Variants in TMEM161B observed in about 807,000 individuals in gnomAD.
TMEM161B encodes transmembrane protein 161B.
Under a neutral mutation model 61.8 loss-of-function variants are expected in TMEM161B, and 34 were observed. That is an observed-to-expected ratio of 0.55 (90% CI 0.42 to 0.73). The LOEUF (loss-of-function observed/expected upper bound fraction) is 0.73. Ranked by LOEUF, TMEM161B falls within the 30% of genes least tolerant of loss-of-function variation. The probability of loss-of-function intolerance (pLI) is 0.00; values close to 1 mark genes in which losing one functional copy is unlikely to be tolerated. For synonymous variants in TMEM161B, 167 were observed against 192.8 expected (o/e 0.87, Z 1.11); for missense variants, 456 against 558.5 (o/e 0.82, Z 1.85).
At position 88,196,430 on chromosome 5, in the gene TMEM161B, ACTAT is replaced by A. The variant is rs1243823308; in HGVS notation, c.1241_1244del (p.Asn414IlefsTer18). ...CAGAGTAAACAGAATTGGACAGTAG[ACTAT>A]TATCCACTGGTAAGGTAGAGATAGA... On this transcript the variant is annotated frameshift_variant, in exon 12 of 12. Transcript: ENST00000296595. LOFTEE classifies it high-confidence loss of function. The A allele has an allele frequency of 6.2e-7, 1 of 1,613,104 alleles. No homozygotes were observed. The highest frequency in any genetic ancestry group is 2.2e-5 in the East Asian group (1 of 44,840).
At chr5:88,241,077 G>T (rs553174925) in intron 1 of TMEM161B, among the ~76,000 whole-genome samples, 161 bp from the exon 2 acceptor site, 2 of 151,570 alleles carry the variant, frequency 1.3e-5, no homozygotes, top group African/African-American at 4.8e-5. Flanking sequence ...CTCCACAACT[G>T]CAGATCAAAA....
chr5:88,206,405 A>C (rs1351749277), intron 7 of TMEM161B, 34 bp downstream of exon 7: 2 of 1,521,422 alleles, frequency 1.3e-6, no homozygotes, highest in Middle Eastern at 2.1e-4. Context: ...GAAAAGGTTA[A>C]ATTTAAATAA....
chr5:88,226,561 G>C (rs113065302), intron 3 of TMEM161B, among the ~76,000 whole-genome samples: 8 of 152,196 alleles, frequency 5.3e-5, no homozygotes, highest in African/African-American at 1.7e-4. Flanking sequence ...GAGTAGCTGG[G>C]ACTACAGGTA....
chr5:88,227,900 T>C (rs1225878795), intron 3 of TMEM161B, among the ~76,000 whole-genome samples: 1 of 152,228 alleles, frequency 6.6e-6, no homozygotes, highest in Non-Finnish European at 1.5e-5. Context: ...TTGTTTACTC[T>C]GTCCAAGTCA....
In TMEM161B at chr5:88,195,415, A is replaced by G. The variant is rs1749465004; in HGVS notation, c.*796T>C. On this transcript the variant is annotated 3_prime_UTR_variant, in exon 12 of 12. Coordinates refer to ENST00000296595, the MANE Select transcript of TMEM161B (RefSeq NM_153354.5). ...ATACAGGTAGTCAGCAGGTTTACAA[A>G]GTAATTTCTTTAAAGTCTGATCAGT... The G allele has an allele frequency of 1.1e-6, 1 of 922,656 alleles. No individual in the cohort carries two copies. The highest frequency in any genetic ancestry group is 5.0e-5 in the South Asian group (1 of 19,930). 57.2% of individuals were successfully genotyped at this position (922,656 alleles called of 1,614,324 possible).
At chr5:88,225,691 A>C (rs927024079) in intron 4 of TMEM161B, 78 bp downstream of exon 4, 16 of 881,216 alleles carry the variant, frequency 1.8e-5, no homozygotes, top group Non-Finnish European at 2.9e-5. Flanking sequence ...AATGGACTTA[A>C]TGATTAAAAT....
downstream of TMEM161B, among the ~76,000 whole-genome samples, chr5:88,189,097 G>A (rs1748549094): frequency 6.6e-6 from 1 of 152,162 alleles, no homozygotes; most frequent in South Asian, 2.1e-4. Context: ...TTTTCCAACA[G>A]GGATTAAGTA....
Position 88,240,772 on chromosome 5 carries a change from G to A in TMEM161B, c.107+41C>T, listed in dbSNP as rs941052261. 3 of 1,405,458 alleles carry A rather than the reference G, an allele frequency of 2.1e-6. No homozygotes were observed. In the African/African-American group the frequency reaches 4.3e-5, roughly 20 times the overall value. 87.1% of individuals were successfully genotyped at this position (1,405,458 alleles called of 1,614,324 possible). A position where few individuals can be genotyped will look rare whatever the true frequency, so the allele number is the denominator to read the frequency against. ...AATTTAATCAGTTTGGTAAACTAGA[G>A]ATTGAAAGTGTCAGTTGAAATCAGC... On this transcript the variant is annotated intron_variant, in intron 2 of 11. Coordinates refer to ENST00000296595, the MANE Select transcript of TMEM161B (RefSeq NM_153354.5).
chr5:88,213,468 A>G (rs58832180), intron 5 of TMEM161B, among the ~76,000 whole-genome samples: 6 of 152,170 alleles, frequency 3.9e-5, no homozygotes, highest in Non-Finnish European at 7.4e-5. Context: ...TTCCACAAAA[A>G]AAGCTTTCAG....
intron 8 of TMEM161B, 147 bp downstream of exon 8, chr5:88,205,667 G>C: frequency 1.2e-6 from 1 of 848,814 alleles, no homozygotes; most frequent in South Asian, 2.1e-5. Context: ...AAAGAAACTT[G>C]CTTATAGTTG....
rs1580320527 is a variant in TMEM161B, at chr5:88,197,723, A to G, written c.1132T>C (p.Tyr378His). 6.2e-7 allele frequency: 1 copy of G among 1,613,098 alleles called. No homozygotes were observed. Among genetic ancestry groups the G allele is most frequent in the East Asian group, 2.2e-5 (1 of 44,818 alleles). The change falls in exon 11 of 12, where the codon TAT becomes CAT. Residue 378 changes from tyrosine (Y) to histidine (H), a missense_variant. Tyr to His is a moderately conservative substitution (Grantham distance 83). Around this residue, in one of 3 missense-constraint regions of TMEM161B, gnomAD observed 367 missense variants for 427.3 expected, o/e 0.86. Coordinates refer to ENST00000296595, the MANE Select transcript of TMEM161B (RefSeq NM_153354.5). The part of the protein sequence containing the change: ...FYYLCVIALQ[Y>H]VAPLVMLLHT... Reference sequence around the variant, plus strand: ...AGCAGCATTACCAGAGGCGCCACATACTGCAGTGCAATGACACAAAGATAA... The same window carrying G: ...AGCAGCATTACCAGAGGCGCCACATGCTGCAGTGCAATGACACAAAGATAA...
chr5:88,254,657 C>T (rs1312814768), intron 1 of TMEM161B, among the ~76,000 whole-genome samples: 4 of 151,864 alleles, frequency 2.6e-5, no homozygotes, highest in South Asian at 2.1e-4. Context: ...GGCAACATAG[C>T]GAGACACCCT....
intron 5 of TMEM161B, among the ~76,000 whole-genome samples, chr5:88,211,625 G>A (rs1377025063): frequency 6.7e-6 from 1 of 148,402 alleles, no homozygotes; most frequent in Non-Finnish European, 1.5e-5. Context: ...GGGCGTGGCG[G>A]CGGGCGCGGC....
chr5:88,202,519 C>A, intron 9 of TMEM161B: 1 of 183,184 alleles, frequency 5.5e-6, no homozygotes, highest in Non-Finnish European at 1.1e-5. Flanking sequence ...AATCCTTCAT[C>A]AAAAAACAAA....
At chr5:88,251,386 A>T (rs1288338483) in intron 1 of TMEM161B, among the ~76,000 whole-genome samples, 3 of 152,104 alleles carry the variant, frequency 2.0e-5, no homozygotes, top group Non-Finnish European at 2.9e-5. Context: ...TAAAAACTAC[A>T]CCTACATCTT....
At chr5:88,260,170 A>G (rs1195854131) in intron 1 of TMEM161B, among the ~76,000 whole-genome samples, 1 of 152,216 alleles carries the variant, frequency 6.6e-6, no homozygotes, top group Non-Finnish European at 1.5e-5. Context: ...GAGGAAAAGT[A>G]AAATTCAATT....
intron 10 of TMEM161B, 198 bp downstream of exon 10, chr5:88,198,777 AG>A (rs1172558405): frequency 1.8e-6 from 1 of 540,582 alleles, no homozygotes; most frequent in African/African-American, 1.9e-5. Context: ...CACTTAAGGC[AG>A]GAAGAGGAAT....
intron 4 of TMEM161B, among the ~76,000 whole-genome samples, chr5:88,225,366 C>T (rs1561364179): frequency 1.3e-5 from 2 of 152,028 alleles, no homozygotes; most frequent in South Asian, 2.1e-4. Context: ...ACGTCATACT[C>T]GATTTTTCAA....
chr5:88,202,266 C>T (rs1250010237), intron 9 of TMEM161B: 1 of 331,786 alleles, frequency 3.0e-6, no homozygotes, highest in East Asian at 7.6e-5. Flanking sequence ...CAGATCAAGT[C>T]TAGTTATTAA....
Sources: allele counts gnomAD v4.1 joint callset (sites outside exome capture counted in the v4.1 genomes callset), GRCh38; gene constraint gnomAD v4.1.1; regional missense constraint gnomAD v4.1.1; transcripts MANE v1.5; gene names NCBI Gene and HGNC (gene_info 2026-07-23, HGNC 2026-07-21).